MARCHF1: variants seen among roughly 807,000 people sequenced by gnomAD.
MARCHF1 encodes membrane associated ring-CH-type finger 1.
Under a neutral mutation model 54.2 loss-of-function variants are expected in MARCHF1, and 40 were observed. That is an observed-to-expected ratio of 0.74 (90% CI 0.57 to 0.96). The LOEUF (loss-of-function observed/expected upper bound fraction) is 0.96, where lower values mean the gene tolerates loss of function less well. Among genes scored for constraint, MARCHF1 ranks in the 40% least tolerant of loss-of-function variants. The pLI, the probability that MARCHF1 is intolerant of heterozygous loss-of-function variation, is 0.00. For missense variants in MARCHF1, 586 were observed against 656.5 expected (o/e 0.89, Z 1.17); for synonymous variants, 236 against 236.3 (o/e 1.00, Z 0.01).
At chr4:163,933,235 G>A (rs1751719641) in intron 3 of MARCHF1, 1 of 729,676 alleles carries the variant, frequency 1.4e-6, no homozygotes, top group Non-Finnish European at 2.4e-6. Flanking sequence ...ATGTGATGCA[G>A]CAGAAGGGGC....
chr4:164,260,807 A>C (rs186772961), intron 1 of MARCHF1, among the ~76,000 whole-genome samples: 1 of 152,346 alleles, frequency 6.6e-6, no homozygotes, highest in Non-Finnish European at 1.5e-5. Flanking sequence ...AGCACTTTAC[A>C]CTTAGCTATA....
At chr4:163,649,711 C>T (rs894491676) in intron 5 of MARCHF1, among the ~76,000 whole-genome samples, 1 of 151,176 alleles carries the variant, frequency 6.6e-6, no homozygotes, top group Non-Finnish European at 1.5e-5. Context: ...CTGACCCCCA[C>T]CCCCACCACC....
intron 2 of MARCHF1, among the ~76,000 whole-genome samples, chr4:163,999,138 C>A (rs1279268637): frequency 6.6e-6 from 1 of 151,482 alleles, no homozygotes; most frequent in African/African-American, 2.4e-5. Flanking sequence ...TGGTAATTAT[C>A]ATTCTAAAAG....
intron 1 of MARCHF1, among the ~76,000 whole-genome samples, chr4:164,154,433 C>T (rs1484857755): frequency 6.6e-6 from 1 of 152,172 alleles, no homozygotes; most frequent in Non-Finnish European, 1.5e-5. Flanking sequence ...ATGTGATTAA[C>T]TTCATGACCC....
At chr4:163,959,330 CAA>C (rs72185948) in intron 3 of MARCHF1, among the ~76,000 whole-genome samples, 9,014 of 149,332 alleles carry the variant, frequency 0.06, 525 homozygotes, top group East Asian at 0.18. Flanking sequence ...ACAACAACAA[CAA>C]AAAAAAAAAA....
intron 1 of MARCHF1, among the ~76,000 whole-genome samples, chr4:164,149,166 T>C (rs1165743237): frequency 1.3e-5 from 2 of 152,186 alleles, no homozygotes; most frequent in Non-Finnish European, 1.5e-5. Context: ...GCAATGACCA[T>C]AAATTTCCTG....
At chr4:163,844,925 G>GA (rs1028385292) in intron 4 of MARCHF1, among the ~76,000 whole-genome samples, 118 of 152,302 alleles carry the variant, frequency 7.7e-4, no homozygotes, top group African/African-American at 2.8e-3. Context: ...GCTATATCAT[G>GA]TAACTGTCTA....
At chr4:164,021,756 T>C (rs1454334511) in intron 2 of MARCHF1, among the ~76,000 whole-genome samples, 1 of 151,882 alleles carries the variant, frequency 6.6e-6, no homozygotes, top group Non-Finnish European at 1.5e-5. Context: ...AGTCAGGAGA[T>C]GCGGACAGAA....
At chr4:164,033,760 A>T (rs1753932578) in intron 2 of MARCHF1, among the ~76,000 whole-genome samples, 1 of 152,190 alleles carries the variant, frequency 6.6e-6, no homozygotes, top group African/African-American at 2.4e-5. Flanking sequence ...AATTATTAAA[A>T]AGTAAAAAGA....
intron 1 of MARCHF1, among the ~76,000 whole-genome samples, chr4:164,355,597 C>CT (rs1253163856): frequency 5.7e-5 from 4 of 70,230 alleles, no homozygotes; most frequent in Admixed American, 1.8e-4. Context: ...TTCCTTACAC[C>CT]TTATACAAAA....
intron 4 of MARCHF1, among the ~76,000 whole-genome samples, chr4:163,741,178 A>T (rs969719427): frequency 7.2e-5 from 11 of 152,206 alleles, no homozygotes; most frequent in African/African-American, 2.7e-4. Flanking sequence ...CAATTTTCTT[A>T]TATGTAAAAT....
At position 164,366,965 on chromosome 4, in the gene MARCHF1, A is replaced by T. The variant is rs141706481; in HGVS notation, c.-323+16905T>A. On this transcript the variant is annotated intron_variant, in intron 1 of 9. Transcript: ENST00000514618. Reference sequence around the variant, plus strand: ...TAATTCAAACCACTGCAATATTGCAAATTTGTGTCATTTAGTTCCTAACAC... The same window carrying T: ...TAATTCAAACCACTGCAATATTGCATATTTGTGTCATTTAGTTCCTAACAC... Among the ~76,000 whole-genome samples, 9 of 152,148 alleles carry T rather than the reference A, an allele frequency of 5.9e-5. No individual in the cohort carries two copies. In the East Asian group the frequency reaches 1.7e-3, roughly 29 times the overall value.
chr4:164,351,241 C>G (rs35284389), intron 1 of MARCHF1, among the ~76,000 whole-genome samples: 55,756 of 138,926 alleles, frequency 0.4, 12,445 homozygotes, highest in Non-Finnish European at 0.48. Context: ...CTGGAAGCTC[C>G]AACTGGGTGG....
intron 3 of MARCHF1, among the ~76,000 whole-genome samples, chr4:163,924,779 A>G (rs1476300189): frequency 6.6e-6 from 1 of 151,892 alleles, no homozygotes; most frequent in African/African-American, 2.4e-5. Flanking sequence ...CCAAAGTCCA[A>G]GCTCTTCGCC....
intron 1 of MARCHF1, among the ~76,000 whole-genome samples, chr4:164,240,082 T>A (rs962149944): frequency 6.6e-6 from 1 of 152,160 alleles, no homozygotes; most frequent in African/African-American, 2.4e-5. Context: ...TGAAATAGAT[T>A]GTTCATCTCA....
intron 4 of MARCHF1, among the ~76,000 whole-genome samples, chr4:163,752,033 T>C (rs746705631): frequency 6.6e-6 from 1 of 152,184 alleles, no homozygotes; most frequent in Non-Finnish European, 1.5e-5. Flanking sequence ...AGGTAGATGA[T>C]AAATATCTGG....
Position 164,181,183 on chromosome 4 carries a change from C to T in MARCHF1, c.-322-69521G>A, listed in dbSNP as rs77372749. Among the ~76,000 whole-genome samples, 1,174 of 152,236 alleles carry T rather than the reference C, an allele frequency of 7.7e-3. 95 individuals carry two copies. The East Asian group carries it at 0.18, about 23-fold the overall frequency. On this transcript the variant is annotated intron_variant, in intron 1 of 9. Transcript: ENST00000514618. ...CATACCCACCAACCTTCTCCCTCCA[C>T]AAAACATTTGTGTGAACACGTCCTC...
rs183867735 is a variant in MARCHF1 at position 163,679,509 on chromosome 4, T to C, written c.162+21304A>G. Among the ~76,000 whole-genome samples, 6 of 152,244 alleles carry C rather than the reference T, an allele frequency of 3.9e-5. No homozygotes were observed. The East Asian group carries it at 1.2e-3, about 29-fold the overall frequency. ...ACTCCAGAGTCTTCAACTCCTTACA[T>C]AAGTGACCTTTTAAAGCAGGGGTCC... On this transcript the variant is annotated intron_variant, in intron 5 of 9. Transcript: ENST00000514618.
chr4:163,680,866 TTGAA>T (rs1346105334), intron 5 of MARCHF1, among the ~76,000 whole-genome samples: 1 of 152,076 alleles, frequency 6.6e-6, no homozygotes, highest in Non-Finnish European at 1.5e-5. Flanking sequence ...TTATTATTGC[TTGAA>T]TGACTCATTA....
Sources: allele counts gnomAD v4.1 joint callset (sites outside exome capture counted in the v4.1 genomes callset), GRCh38; gene constraint gnomAD v4.1.1; transcripts MANE v1.5; gene names NCBI Gene and HGNC (gene_info 2026-07-23, HGNC 2026-07-21).